AKR1C1: variants seen among roughly 807,000 people sequenced by gnomAD.
AKR1C1 encodes the protein 20 alpha-hydroxysteroid dehydrogenase.
In AKR1C1, 32 loss-of-function variants were observed where a neutral mutation model predicts 40.6. That is an observed-to-expected ratio of 0.79 (90% CI 0.60 to 1.06). The LOEUF is 1.06. AKR1C1 is among the 50% of genes least tolerant of loss of function. The pLI is 0.00. For synonymous variants in AKR1C1, 105 were observed against 134.2 expected (o/e 0.78, Z 1.50); for missense variants, 320 against 363.5 (o/e 0.88, Z 0.97).
rs1373400324 is a variant in AKR1C1 at position 4,978,586 on chromosome 10, A to T, written c.*844A>T. 1 of 152,172 alleles carries T rather than the reference A, an allele frequency of 6.6e-6. No homozygotes were observed. The highest frequency in any genetic ancestry group is 1.9e-4 in the East Asian group (1 of 5,190). The allele number at this position is 152,172 out of a possible 1,614,324, so 9.4% of individuals were successfully genotyped here. A position where few individuals can be genotyped will look rare whatever the true frequency, so the allele number is the denominator to read the frequency against. On this transcript the variant is annotated 3_prime_UTR_variant, in exon 9 of 9. Transcript: ENST00000380872. ...ATCATTGACTAATCACATTCCCCTG[A>T]ATAGCTCATATTTAGAAAATATTCT... is the stretch of plus-strand genomic sequence containing the variant.
intron 5 of AKR1C1, chr10:4,969,585 G>T: frequency 2.1e-6 from 3 of 1,457,592 alleles, no homozygotes; most frequent in Non-Finnish European, 1.9e-6. Context: ...ACCTATGACT[G>T]CCCCCGCTCC....
At position 4,966,140 on chromosome 10, in the gene AKR1C1, G is replaced by A; in HGVS notation, c.252+59G>A. On this transcript the variant is annotated intron_variant, in intron 2 of 8. Transcript: ENST00000380872. ...TATTTATTGTGATTGTGTGGAGGTG[G>A]CAGTTCTATGACTGGATCCATAGTA... 4 of 1,563,326 alleles carry A rather than the reference G, an allele frequency of 2.6e-6. No homozygotes were observed. In the South Asian group the frequency reaches 4.9e-5, roughly 19 times the overall value.
At chr10:4,969,656 C>A (rs1395071615) in intron 5 of AKR1C1, 10 of 1,608,636 alleles carry the variant, frequency 6.2e-6, no homozygotes, top group Middle Eastern at 2.0e-4. Flanking sequence ...CATCTATTCT[C>A]TATGTGTTCC....
At chr10:4,972,024 T>C (rs1449310197) in intron 5 of AKR1C1, among the ~76,000 whole-genome samples, 177 bp from the exon 6 acceptor site, 3 of 151,406 alleles carry the variant, frequency 2.0e-5, no homozygotes, top group African/African-American at 7.3e-5. Flanking sequence ...ATAGCATTTC[T>C]ATTTTCTTAG....
chr10:4,967,724 CT>C (rs1836354659), intron 3 of AKR1C1: 1 of 626,428 alleles, frequency 1.6e-6, no homozygotes, highest in Admixed American at 6.1e-5. Flanking sequence ...CTTATCTCTG[CT>C]TTATTACAAA....
intron 1 of AKR1C1, among the ~76,000 whole-genome samples, chr10:4,965,020 G>A (rs372412486): frequency 1.3e-5 from 2 of 152,312 alleles, no homozygotes; most frequent in East Asian, 1.9e-4. Flanking sequence ...GGAGACTTTT[G>A]GAAGTTTTGT....
rs530323152 is a variant in AKR1C1, at chr10:4,966,009, G to T, written c.180G>T (p.Gln60His). The T allele has an allele frequency of 6.2e-7, 1 of 1,614,228 alleles. No homozygotes were observed. The highest frequency in any genetic ancestry group is 1.3e-5 in the African/African-American group (1 of 75,068). The change falls in exon 2 of 9, where the codon CAG becomes CAT. Residue 60 changes from glutamine (Q) to histidine (H), a missense_variant. This residue lies in a region of AKR1C1 where 214 missense variants were observed against 214.8 expected (regional missense o/e 1.00). Coordinates refer to ENST00000380872, the MANE Select transcript of AKR1C1 (RefSeq NM_001353.6). ...DSAHLYNNEE[Q>H]VGLAIRSKIA... is the part of the protein sequence containing the mutation. ...CTCATTTATACAATAATGAGGAGCA[G>T]GTTGGACTGGCCATCCGAAGCAAGA...
chr10:4,977,679 C>A, intron 8 of AKR1C1, 21 bp from the exon 9 acceptor site: 1 of 1,611,694 alleles, frequency 6.2e-7, no homozygotes, highest in Non-Finnish European at 8.5e-7. Context: ...TCAGAGTGTG[C>A]ATTTTTTTTT....
Position 4,977,736 on chromosome 10 carries a change from A to C in AKR1C1, c.966A>C (p.Glu322Asp), listed in dbSNP as rs1554770643. The C allele has an allele frequency of 6.2e-7, 1 of 1,610,966 alleles. No individual in the cohort carries two copies. Among genetic ancestry groups the C allele is most frequent in the Admixed American group, 1.7e-5 (1 of 59,094 alleles). Residue 322 changes from glutamate (E) to aspartate (D), a missense_variant, in exon 9 of 9, where the codon GAA becomes GAC. Around this residue, in one of 3 missense-constraint regions of AKR1C1, gnomAD observed 29 missense variants for 23.4 expected, o/e 1.24. Coordinates refer to ENST00000380872, the MANE Select transcript of AKR1C1 (RefSeq NM_001353.6). The part of the protein sequence containing the change: ...AGPPNYPFSD[E>D]Y Reference sequence around the variant, plus strand: ...CCCCTAATTATCCATTTTCTGATGAATATTAACATGGAGGGCATTGCATGA... The same window carrying C: ...CCCCTAATTATCCATTTTCTGATGACTATTAACATGGAGGGCATTGCATGA...
rs200909708 is a variant in AKR1C1, at chr10:4,968,825, G to A, written c.451G>A (p.Val151Met). Residue 151 changes from valine (V) to methionine (M), a missense_variant, in exon 5 of 9, where the codon GTG becomes ATG. Coordinates refer to ENST00000380872, the MANE Select transcript of AKR1C1 (RefSeq NM_001353.6). ...CCTCACAATTCCTTTTTCCCAGGCC[G>A]TGGAGAAGTGTAAAGATGCAGGATT... ...TVDLCATWEA[V>M]EKCKDAGLAK... 1.2e-4 allele frequency: 199 copies of A among 1,613,948 alleles called. No individual in the cohort carries two copies. The highest frequency in any genetic ancestry group is 3.3e-4 in the Middle Eastern group (2 of 6,062).
Position 4,978,960 on chromosome 10 carries a change from G to GGGATAATC in AKR1C1, c.*1219_*1226dup, listed in dbSNP as rs1836571153. The GGGATAATC allele has an allele frequency of 6.6e-6, 1 of 152,148 alleles. No individual in the cohort carries two copies. Among genetic ancestry groups the GGGATAATC allele is most frequent in the African/African-American group, 2.4e-5 (1 of 41,416 alleles). 9.4% of individuals were successfully genotyped at this position (152,148 alleles called of 1,614,324 possible). ...TTTTAGAAAACACTTTTGAAAACTT[G>GGGATAATC]GGATAATCTCATGCCTTAATGATCA... On this transcript the variant is annotated 3_prime_UTR_variant, in exon 9 of 9. Transcript: ENST00000380872.
rs1836566331 is a variant in AKR1C1 at position 4,978,644 on chromosome 10, A to G, written c.*902A>G. The G allele has an allele frequency of 6.6e-6, 1 of 152,216 alleles. No individual in the cohort carries two copies. The highest frequency in any genetic ancestry group is 6.5e-5 in the Admixed American group (1 of 15,282). 9.4% of individuals were successfully genotyped at this position (152,216 alleles called of 1,614,324 possible). ...TAAAAATGTACTATTAATTTGTGAT[A>G]TTCAGTCTTTTAAATATTTTATACA... is the stretch of plus-strand genomic sequence containing the variant. On this transcript the variant is annotated 3_prime_UTR_variant, in exon 9 of 9. Transcript: ENST00000380872.
At chr10:4,963,712 C>T (rs1216427530) in intron 1 of AKR1C1, 184 bp downstream of exon 1, 1 of 741,072 alleles carries the variant, frequency 1.3e-6, no homozygotes, top group Non-Finnish European at 2.4e-6. Flanking sequence ...GTTTTGTCTT[C>T]TGTTTATGTT....
Position 4,967,140 on chromosome 10 carries a change from T to C in AKR1C1, c.369+97T>C, listed in dbSNP as rs755793655. The C allele has an allele frequency of 1.0e-5, 13 of 1,290,806 alleles. No individual in the cohort carries two copies. The African/African-American group carries it at 1.8e-4, about 17-fold the overall frequency. The allele number at this position is 1,290,806 out of a possible 1,614,324, so 80.0% of individuals were successfully genotyped here. A position where few individuals can be genotyped will look rare whatever the true frequency, so the allele number is the denominator to read the frequency against. Reference sequence around the variant, plus strand: ...AACTAAGCATTTTCTTAGGAGGACATAGGGATTATAACATAGAAGAAGAAT... The same window carrying C: ...AACTAAGCATTTTCTTAGGAGGACACAGGGATTATAACATAGAAGAAGAAT... On this transcript the variant is annotated intron_variant, in intron 3 of 8. Transcript: ENST00000380872.
rs1181003951 is a variant in AKR1C1, at chr10:4,983,225, G to C, written c.*5483G>C. 5.7e-6 allele frequency: 1 copy of C among 175,928 alleles called. No homozygotes were observed. Among genetic ancestry groups the C allele is most frequent in the Non-Finnish European group, 1.2e-5 (1 of 83,672 alleles). The allele number at this position is 175,928 out of a possible 1,614,324, so 10.9% of individuals were successfully genotyped here. ...AGAAGGACTGGGCAACATTCAGGCG[G>C]AGCCCAGGCCAATTTTCTAAACATG... On this transcript the variant is annotated 3_prime_UTR_variant, in exon 9 of 9. Transcript: ENST00000380872.
Position 4,964,395 on chromosome 10 carries a change from G to A in AKR1C1, c.84+867G>A, listed in dbSNP as rs147773735. On this transcript the variant is annotated intron_variant, in intron 1 of 8. Coordinates refer to ENST00000380872, the MANE Select transcript of AKR1C1 (RefSeq NM_001353.6). Reference sequence around the variant, plus strand: ...TTTACTTTGTAATATAAATTGACATGGAGAGGAAGTAAAGATGAGGATACC... The same window carrying A: ...TTTACTTTGTAATATAAATTGACATAGAGAGGAAGTAAAGATGAGGATACC... 3.5e-3 allele frequency among the ~76,000 whole-genome samples: 532 copies of A among 152,280 alleles called. 8 individuals are homozygous for A. Among genetic ancestry groups the A allele is most frequent in the African/African-American group, 0.012 (512 of 41,564 alleles).
Position 4,977,690 on chromosome 10 carries a change from C to A in AKR1C1, c.930-10C>A. On this transcript the variant is annotated splice_polypyrimidine_tract_variant and intron_variant, in intron 8 of 8. Transcript: ENST00000380872. Reference sequence around the variant, plus strand: ...CCATTCAGAGTGTGCATTTTTTTTTCTCTTTCCAGTTTTGCTGGCCCCCCT... The same window carrying A: ...CCATTCAGAGTGTGCATTTTTTTTTATCTTTCCAGTTTTGCTGGCCCCCCT... 2 of 1,604,636 alleles carry A rather than the reference C, an allele frequency of 1.2e-6. No individual in the cohort carries two copies. Among genetic ancestry groups the A allele is most frequent in the Non-Finnish European group, 8.5e-7 (1 of 1,177,062 alleles).
At chr10:4,969,162 A>G (rs1190414051) in intron 5 of AKR1C1, among the ~76,000 whole-genome samples, 1 of 152,182 alleles carries the variant, frequency 6.6e-6, no homozygotes, top group Non-Finnish European at 1.5e-5. Flanking sequence ...TGTGTGTTAT[A>G]TTTATGGGAG....
intron 2 of AKR1C1, 99 bp from the exon 3 acceptor site, chr10:4,966,828 G>C (rs1431924910): frequency 9.2e-7 from 1 of 1,084,786 alleles, no homozygotes; most frequent in Non-Finnish European, 1.3e-6. Context: ...GTGGTCATTA[G>C]TTTTGAAGTA....
Sources: allele counts gnomAD v4.1 joint callset (sites outside exome capture counted in the v4.1 genomes callset), GRCh38; gene constraint gnomAD v4.1.1; regional missense constraint gnomAD v4.1.1; transcripts MANE v1.5; gene names NCBI Gene and HGNC (gene_info 2026-07-23, HGNC 2026-07-21).